Variants in IAH1 observed in about 807,000 individuals in gnomAD.
IAH1 encodes isoamyl acetate-hydrolyzing esterase 1 homolog.
A neutral mutation model predicts 26.7 loss-of-function variants in IAH1; 24 were observed. The observed-to-expected ratio is 0.90, with a 90% CI of 0.65 to 1.26. The LOEUF (loss-of-function observed/expected upper bound fraction) is 1.26. Among genes scored for constraint, IAH1 ranks in the 50% most tolerant of loss-of-function variants. The pLI is 0.00. For synonymous variants in IAH1, 140 were observed against 118.5 expected (o/e 1.18, Z -1.18); for missense variants, 300 against 299.9 (o/e 1.00, Z 0.00).
At chr2:9,508,562 C>A in the IAH1 span, among the ~76,000 whole-genome samples, 1 of 152,210 alleles carries the variant, frequency 6.6e-6, no homozygotes, top group Non-Finnish European at 1.5e-5. Flanking sequence ...AGTAATCTCA[C>A]TCATGTCCTT....
chr2:9,482,325 G>A (rs181033446), intron 4 of IAH1, among the ~76,000 whole-genome samples: 1 of 152,298 alleles, frequency 6.6e-6, no homozygotes, highest in Non-Finnish European at 1.5e-5. Flanking sequence ...ACCGTTCCTG[G>A]ACTGGAAGTT....
At position 9,474,651 on chromosome 2, in the gene IAH1, CG is replaced by C. The variant is rs1259471675; in HGVS notation, c.81+6del. 6.5e-7 allele frequency: 1 copy of C among 1,543,154 alleles called. No individual in the cohort carries two copies. Among genetic ancestry groups the C allele is most frequent in the Non-Finnish European group, 8.7e-7 (1 of 1,148,610 alleles). ...CTTCGGGGACTCCATCACCCAGGTA[CG>C]GCCGCCCCGACGCTCGGCCTCCCGC... On this transcript the variant is annotated splice_donor_5th_base_variant and intron_variant, in intron 1 of 5. Coordinates refer to ENST00000497473, the MANE Select transcript of IAH1 (RefSeq NM_001039613.3). The surrounding 1 kb of genome is among the most constrained non-coding windows in gnomAD (Gnocchi z 4.3).
chr2:9,506,880 A>T, the IAH1 span: 1 of 152,180 alleles, frequency 6.6e-6, no homozygotes, highest in South Asian at 2.1e-4. Flanking sequence ...GAGAGCACTA[A>T]CGATAAAAGG....
At chr2:9,496,862 C>T (rs1212962313), downstream of IAH1, among the ~76,000 whole-genome samples, 1 of 152,194 alleles carries the variant, frequency 6.6e-6, no homozygotes, top group African/African-American at 2.4e-5. Flanking sequence ...CCTCCTCTCC[C>T]ACCTCAAAGC....
chr2:9,487,017 A>C (rs954738340), intron 5 of IAH1, among the ~76,000 whole-genome samples: 2 of 151,810 alleles, frequency 1.3e-5, no homozygotes, highest in African/African-American at 4.8e-5. Context: ...GTATTGCTTG[A>C]GCCTAGGAGT....
At position 9,488,198 on chromosome 2, in the gene IAH1, G is replaced by T; in HGVS notation, c.616G>T (p.Glu206Ter). The T allele has an allele frequency of 6.2e-7, 1 of 1,613,360 alleles. No homozygotes were observed. Among genetic ancestry groups the T allele is most frequent in the South Asian group, 1.1e-5 (1 of 90,974 alleles). The change falls in exon 6 of 6, where the codon GAA becomes TAA. Residue 206 changes from glutamate (E) to a stop codon, truncating the protein, a stop_gained. Transcript: ENST00000497473. LOFTEE classifies it high-confidence loss of function. The stretch of plus-strand genomic sequence containing the variant: ...ACTACATTTGTCTCCAAAGGGGAAT[G>T]AATTTTTGTTCTCGCATCTCTGGCC... The part of the protein sequence containing the change: ...DGLHLSPKGN[E>*]FLFSHLWPLI...
the IAH1 span, chr2:9,502,349 C>T: frequency 0.47 from 610,878 of 1,310,460 alleles, 151,024 homozygotes; most frequent in Middle Eastern, 0.6. Flanking sequence ...GCTACAGTTA[C>T]GTTACAGTGA....
At chr2:9,493,682 A>C (rs1662336506), downstream of IAH1, 1 of 1,410,516 alleles carries the variant, frequency 7.1e-7, no homozygotes, top group Non-Finnish European at 1.0e-6. Flanking sequence ...CTGAAAGCAC[A>C]CTTTTCTAAT....
intron 1 of IAH1, chr2:9,475,117 A>C (rs1682406805): frequency 2.4e-6 from 3 of 1,272,134 alleles, no homozygotes; most frequent in South Asian, 2.5e-5. Flanking sequence ...TTAGGGGTTG[A>C]CCTTGGAAGT....
upstream of IAH1, among the ~76,000 whole-genome samples, chr2:9,474,183 CA>C (rs1207115247): frequency 2.0e-5 from 3 of 151,964 alleles, no homozygotes; most frequent in Admixed American, 2.0e-4. This position sits in a 1 kb window ranked among gnomAD's most constrained non-coding sequence, Gnocchi z 4.3. Context: ...CGACCTCTTC[CA>C]GGGGGGCCTG....
Position 9,474,763 on chromosome 2 carries a change from T to A in IAH1, c.81+116T>A. ...GCCCGAGACGGCTGGGCCGGAGGCC[T>A]GGCCACGCCCGTGGAGACACCGGAG... On this transcript the variant is annotated intron_variant, in intron 1 of 5. Transcript: ENST00000497473. This position sits in a 1 kb window ranked among gnomAD's most constrained non-coding sequence, Gnocchi z 4.3. 1.3e-6 allele frequency: 1 copy of A among 775,392 alleles called. No homozygotes were observed. Among genetic ancestry groups the A allele is most frequent in the Non-Finnish European group, 1.9e-6 (1 of 526,668 alleles). 48.0% of individuals were successfully genotyped at this position (775,392 alleles called of 1,614,324 possible).
In IAH1 at chr2:9,488,370, C is replaced by G; in HGVS notation, c.*41C>G. 6.6e-7 allele frequency: 1 copy of G among 1,505,834 alleles called. No individual in the cohort carries two copies. The highest frequency in any genetic ancestry group is 8.9e-7 in the Non-Finnish European group (1 of 1,121,334). 93.3% of individuals were successfully genotyped at this position (1,505,834 alleles called of 1,614,324 possible). ...CCAAATCTGCTTGTTATCTACAGAA[C>G]TCAAAGTTGTCAATACGTAGAGGTA... On this transcript the variant is annotated 3_prime_UTR_variant, in exon 6 of 6. Transcript: ENST00000497473.
At chr2:9,503,578 C>T in the IAH1 span, among the ~76,000 whole-genome samples, 1 of 152,144 alleles carries the variant, frequency 6.6e-6, no homozygotes, top group Non-Finnish European at 1.5e-5. Context: ...CAGTGGCTCA[C>T]GCCTGTAATC....
At chr2:9,493,473 TA>T (rs1662322087), downstream of IAH1, among the ~76,000 whole-genome samples, 1 of 152,240 alleles carries the variant, frequency 6.6e-6, no homozygotes, top group South Asian at 2.1e-4. Context: ...AAACTATGCT[TA>T]TGCTAATCAC....
intron 3 of IAH1, among the ~76,000 whole-genome samples, chr2:9,478,729 TAGGG>T (rs1277711181): frequency 6.6e-6 from 1 of 152,098 alleles, no homozygotes; most frequent in Non-Finnish European, 1.5e-5. Context: ...TGGCGTGTCT[TAGGG>T]AGGGATATGT....
intron 1 of IAH1, 140 bp from the exon 2 acceptor site, chr2:9,475,847 C>A: frequency 1.5e-6 from 1 of 687,166 alleles, no homozygotes; most frequent in African/African-American, 1.8e-5. Flanking sequence ...TACCTGTAAT[C>A]CCCAAAATGA....
At chr2:9,498,016 A>G (rs955317798), downstream of IAH1, among the ~76,000 whole-genome samples, 2 of 152,102 alleles carry the variant, frequency 1.3e-5, no homozygotes, top group Non-Finnish European at 2.9e-5. Context: ...ATATTTCTTA[A>G]ATAAATCAAT....
At chr2:9,476,405 G>C (rs1660794690) in intron 2 of IAH1, among the ~76,000 whole-genome samples, 1 of 152,222 alleles carries the variant, frequency 6.6e-6, no homozygotes, top group African/African-American at 2.4e-5. Context: ...GTGCTGCCAT[G>C]ACTTAAGACT....
At chr2:9,503,937 G>A in the IAH1 span, among the ~76,000 whole-genome samples, 1 of 151,734 alleles carries the variant, frequency 6.6e-6, no homozygotes, top group African/African-American at 2.4e-5. Context: ...TGGATCACTT[G>A]AGCCCAGGAC....
Sources: gnomAD v4.1 joint callset for allele counts (sites outside exome capture counted in the v4.1 genomes callset) on GRCh38, gnomAD v4.1.1 for gene constraint, Gnocchi (gnomAD v3.1) non-coding constraint, MANE v1.5 for transcripts, NCBI Gene and HGNC (gene_info 2026-07-23, HGNC 2026-07-21) for gene names.